The following SLC4A4 variants were observed in gnomAD, a reference collection of about 807,000 sequenced individuals.
The protein encoded by SLC4A4 is electrogenic sodium bicarbonate cotransporter 1.
SLC4A4 carries 27 observed loss-of-function variants against 111.5 expected under a neutral mutation model. The observed-to-expected ratio is 0.24, with a 90% confidence interval of 0.18 to 0.33. SLC4A4 has a LOEUF of 0.33. Among genes scored for constraint, SLC4A4 ranks in the 10% least tolerant of loss-of-function variants. The pLI is 1.00. For synonymous variants in SLC4A4, 443 were observed against 463.4 expected (o/e 0.96, Z 0.57); for missense variants, 909 against 1,315.5 (o/e 0.69, Z 4.78).
intron 3 of SLC4A4, among the ~76,000 whole-genome samples, chr4:71,313,692 G>T (rs184561667): frequency 3.4e-4 from 51 of 152,214 alleles, no homozygotes; most frequent in African/African-American, 1.2e-3. Context: ...TTTAATAAAC[G>T]GTGCTGGGAA....
intron 3 of SLC4A4, among the ~76,000 whole-genome samples, chr4:71,295,442 C>G (rs1307464729): frequency 1.3e-5 from 2 of 152,130 alleles, no homozygotes; most frequent in African/African-American, 4.8e-5. Context: ...GAGGTTTTAC[C>G]TTGATTTTCC....
At chr4:71,201,950 C>A (rs1029716062) in intron 1 of SLC4A4, among the ~76,000 whole-genome samples, 1 of 152,118 alleles carries the variant, frequency 6.6e-6, no homozygotes, top group African/African-American at 2.4e-5. Context: ...GTTGGCCTCC[C>A]TCAAAGTAAC....
chr4:71,347,941 A>G (rs765124218), intron 4 of SLC4A4, among the ~76,000 whole-genome samples: 5 of 152,214 alleles, frequency 3.3e-5, no homozygotes, highest in African/African-American at 4.8e-5. Context: ...CTTTATAGAT[A>G]GATGACATAA....
At chr4:71,170,598 C>T (rs986859339) in intron 2 of SLC4A4, among the ~76,000 whole-genome samples, 2 of 152,142 alleles carry the variant, frequency 1.3e-5, no homozygotes, top group African/African-American at 4.8e-5. Flanking sequence ...TTTATTTATT[C>T]ATTCAGCTTT....
rs544806908 is a variant in SLC4A4, at chr4:71,426,196, G to A, written c.808-14420G>A. Among the ~76,000 whole-genome samples, 22 of 152,118 alleles carry A rather than the reference G, an allele frequency of 1.4e-4. No homozygotes were observed. In the East Asian group the frequency reaches 2.3e-3, roughly 16 times the overall value. On this transcript the variant is annotated intron_variant, in intron 7 of 25. Transcript: ENST00000264485. ...TTCAATGTTAATGCTGGTCACTTGT[G>A]TATGAATTCCATGGGGAAGAGGGTA...
At chr4:71,565,732 T>C (rs911376761) in intron 24 of SLC4A4, among the ~76,000 whole-genome samples, 1 of 151,852 alleles carries the variant, frequency 6.6e-6, no homozygotes, top group Non-Finnish European at 1.5e-5. Flanking sequence ...TGCAAATCTC[T>C]GTAACAAACA....
At chr4:71,379,151 A>T (rs989173185) in intron 6 of SLC4A4, among the ~76,000 whole-genome samples, 1 of 152,154 alleles carries the variant, frequency 6.6e-6, no homozygotes, top group African/African-American at 2.4e-5. Context: ...TATGAACGCC[A>T]CACATCACTC....
intron 4 of SLC4A4, among the ~76,000 whole-genome samples, chr4:71,341,660 T>C (rs945689932): frequency 4.6e-5 from 7 of 152,168 alleles, no homozygotes; most frequent in Non-Finnish European, 8.8e-5. Flanking sequence ...TTTAGTTACT[T>C]AGGCTTATGC....
chr4:71,374,685 G>A (rs764897847), intron 6 of SLC4A4, among the ~76,000 whole-genome samples: 8 of 152,014 alleles, frequency 5.3e-5, no homozygotes, highest in Non-Finnish European at 7.4e-5. Flanking sequence ...GAATAAAAAC[G>A]TAGAAATTCT....
chr4:71,428,262 T>C lies in SLC4A4; in HGVS notation c.808-12354T>C, dbSNP rs142707595. Among the ~76,000 whole-genome samples the C allele has an allele frequency of 1.9e-3, 292 of 152,254 alleles. 4 individuals are homozygous for C. The highest frequency in any genetic ancestry group is 0.012 in the Admixed American group (182 of 15,274). On this transcript the variant is annotated intron_variant, in intron 7 of 25. Coordinates refer to ENST00000264485, the MANE Select transcript of SLC4A4 (RefSeq NM_001098484.3). ...TGGGCTCTCCCTTACACTTTTGAGT[T>C]TCTTGGATCTTAAGATTCTACAGTA...
At chr4:71,546,324 C>G (rs952292330) in intron 18 of SLC4A4, 26 bp from the exon 19 acceptor site, 1 of 1,600,322 alleles carries the variant, frequency 6.2e-7, no homozygotes, top group Non-Finnish European at 8.6e-7. Context: ...CTTTTCTTCA[C>G]ATGGTTTTGT....
intron 16 of SLC4A4, among the ~76,000 whole-genome samples, chr4:71,526,424 C>CT (rs901062632): frequency 2.0e-5 from 3 of 151,918 alleles, no homozygotes; most frequent in African/African-American, 7.3e-5. Context: ...AATAGGGTGG[C>CT]TTTTTTCTCC....
At chr4:71,147,082 T>A (rs1031770371) in intron 2 of SLC4A4, among the ~76,000 whole-genome samples, 2 of 152,138 alleles carry the variant, frequency 1.3e-5, no homozygotes, top group African/African-American at 4.8e-5. Flanking sequence ...AGGCAGGGGT[T>A]GCAATCCTAG....
intron 6 of SLC4A4, among the ~76,000 whole-genome samples, chr4:71,391,674 G>A: frequency 6.6e-6 from 1 of 151,872 alleles, no homozygotes; most frequent in Non-Finnish European, 1.5e-5. Flanking sequence ...ATAGTGATAT[G>A]GAAATTAATT....
chr4:71,075,251 GTGT>G (rs1741778986), intron 1 of SLC4A4, among the ~76,000 whole-genome samples: 2 of 152,194 alleles, frequency 1.3e-5, no homozygotes, highest in African/African-American at 4.8e-5. Flanking sequence ...TCAAAGCAGT[GTGT>G]TGTTCATCCG....
At chr4:71,363,213 AG>A (rs1400371162) in intron 6 of SLC4A4, among the ~76,000 whole-genome samples, 1 of 152,226 alleles carries the variant, frequency 6.6e-6, no homozygotes, top group African/African-American at 2.4e-5. Context: ...AACAATGGAA[AG>A]AAATCAATTT....
chr4:71,272,298 T>C (rs1319192166), intron 3 of SLC4A4, among the ~76,000 whole-genome samples: 3 of 152,208 alleles, frequency 2.0e-5, no homozygotes, highest in African/African-American at 7.2e-5. Context: ...GTTGTTGTTA[T>C]TGAATATTAA....
intron 3 of SLC4A4, among the ~76,000 whole-genome samples, chr4:71,329,853 G>T (rs953571991): frequency 2.0e-5 from 3 of 152,000 alleles, no homozygotes; most frequent in African/African-American, 7.2e-5. Flanking sequence ...GTACTGTGTT[G>T]AATAACTGGT....
intron 6 of SLC4A4, among the ~76,000 whole-genome samples, chr4:71,394,866 C>T (rs1024031013): frequency 3.9e-5 from 6 of 152,044 alleles, no homozygotes; most frequent in African/African-American, 1.4e-4. Flanking sequence ...TATGTGAGAG[C>T]TAAGCTATGA....
Sources: gnomAD v4.1 joint callset for allele counts (sites outside exome capture counted in the v4.1 genomes callset) on GRCh38, gnomAD v4.1.1 for gene constraint, MANE v1.5 for transcripts, NCBI Gene and HGNC (gene_info 2026-07-23, HGNC 2026-07-21) for gene names.